Variants in SAMD8 observed in about 807,000 individuals in gnomAD.
SAMD8 encodes sterile alpha motif domain containing 8, also known as sphingomyelin synthase-related protein 1.
A neutral mutation model predicts 42.0 loss-of-function variants in SAMD8; 20 were observed. The ratio of observed to expected loss-of-function variants is 0.48; its 90% CI spans 0.34 to 0.69. The LOEUF (loss-of-function observed/expected upper bound fraction) is 0.69, where lower values mean the gene tolerates loss of function less well. Ranked by LOEUF, SAMD8 falls within the 30% of genes least tolerant of loss-of-function variation. The pLI is 0.01. For missense variants in SAMD8, 328 were observed against 511.6 expected, an observed-to-expected ratio of 0.64 and a Z score of 3.46; for synonymous variants, 162 against 173.0, an observed-to-expected ratio of 0.94 and a Z score of 0.50.
At chr10:75,104,223 T>C in intron 1 of SAMD8, 1 of 530,148 alleles carries the variant, frequency 1.9e-6, no homozygotes, top group Non-Finnish European at 3.0e-6. Context: ...GTGCATAAGG[T>C]CAAGTGAGTG....
intron 1 of SAMD8, among the ~76,000 whole-genome samples, chr10:75,130,336 T>C (rs1849246340): frequency 2.6e-5 from 4 of 151,830 alleles, no homozygotes; most frequent in Admixed American, 2.6e-4. Flanking sequence ...ACCCCGTCTC[T>C]ACTAAAAATA....
At position 75,150,541 on chromosome 10, in the gene SAMD8, A is replaced by G; in HGVS notation, c.13A>G (p.Asn5Asp). The change falls in exon 2 of 6, where the codon AAT (asparagine) becomes GAT (aspartate). Residue 5 changes from asparagine (N) to aspartate (D), a missense_variant. Asn to Asp is a conservative substitution (Grantham distance 23, BLOSUM62 1). Transcript: ENST00000542569. ...AGCGGAGGAGGAAATGGCAGGTCCT[A>G]ATCAACTCTGCATTCGCCGCTGGAC... MAGP[N>D]QLCIRRWTTK... 2 of 1,612,918 alleles carry G rather than the reference A, an allele frequency of 1.2e-6. No homozygotes were observed. Among genetic ancestry groups the G allele is most frequent in the Non-Finnish European group, 1.7e-6 (2 of 1,179,432 alleles).
At chr10:75,123,346 G>A (rs189255982) in intron 1 of SAMD8, among the ~76,000 whole-genome samples, 140 of 152,250 alleles carry the variant, frequency 9.2e-4, no homozygotes, top group African/African-American at 3.3e-3. Context: ...GGAGCAGGAG[G>A]GGTGCCTCAT....
At chr10:75,168,778 T>C in intron 4 of SAMD8, 120 bp downstream of exon 4, 2 of 631,036 alleles carry the variant, frequency 3.2e-6, no homozygotes, top group Admixed American at 2.8e-5. Context: ...GCAATGTCTA[T>C]AAAAAAAACT....
intron 2 of SAMD8, among the ~76,000 whole-genome samples, chr10:75,153,436 C>A (rs1478854833): frequency 1.3e-5 from 2 of 151,842 alleles, no homozygotes; most frequent in African/African-American, 4.8e-5. Flanking sequence ...CATGGTGAAA[C>A]CCCGTCTCTA....
intron 1 of SAMD8, among the ~76,000 whole-genome samples, chr10:75,131,260 GCTT>G (rs894228177): frequency 4.6e-5 from 7 of 152,116 alleles, no homozygotes; most frequent in African/African-American, 1.7e-4. Flanking sequence ...TTCTAATTCT[GCTT>G]CTTCTCTGCT....
chr10:75,123,789 C>T (rs1057269153), intron 1 of SAMD8, among the ~76,000 whole-genome samples: 78 of 151,834 alleles, frequency 5.1e-4, no homozygotes, highest in African/African-American at 1.7e-3. Flanking sequence ...CTCCAGGGCT[C>T]AAGCGACTCT....
At chr10:75,121,137 T>G (rs549447298) in intron 1 of SAMD8, among the ~76,000 whole-genome samples, 1 of 152,300 alleles carries the variant, frequency 6.6e-6, no homozygotes, top group African/African-American at 2.4e-5. Context: ...GTGCATTACA[T>G]GTATAATTCC....
rs1005768830 is a variant in SAMD8 at position 75,118,825 on chromosome 10, A to G, written c.-16+7103A>G. Among the ~76,000 whole-genome samples the G allele has an allele frequency of 6.6e-5, 10 of 152,308 alleles. No individual in the cohort carries two copies. The East Asian group carries it at 1.9e-3, about 29-fold the overall frequency. ...CACAAAGTTTAGCCATATATGCCCAAATTAAACCTTATCCTCCTACATCAT... is the reference window on the plus strand; with the variant it reads ...CACAAAGTTTAGCCATATATGCCCAGATTAAACCTTATCCTCCTACATCAT... On this transcript the variant is annotated intron_variant, in intron 1 of 5. Transcript: ENST00000542569.
chr10:75,111,375 C>T (rs1050147367), upstream of SAMD8: 2 of 590,576 alleles, frequency 3.4e-6, no homozygotes, highest in Non-Finnish European at 4.9e-6. Context: ...GGCTCCTCCG[C>T]GGCAGCATCT....
chr10:75,103,177 C>T (rs1391654863), intron 1 of SAMD8, among the ~76,000 whole-genome samples: 1 of 152,206 alleles, frequency 6.6e-6, no homozygotes, highest in African/African-American at 2.4e-5. Context: ...GAAGGATGTT[C>T]TGTGGAGGAG....
intron 1 of SAMD8, chr10:75,125,779 GAAT>G (rs1849118049): frequency 6.6e-6 from 1 of 152,320 alleles, no homozygotes; most frequent in African/African-American, 2.4e-5. Flanking sequence ...AGGTAGTCAA[GAAT>G]CGAACTTGTA....
chr10:75,105,531 A>G, intron 1 of SAMD8: 1 of 932,268 alleles, frequency 1.1e-6, no homozygotes, highest in Non-Finnish European at 1.6e-6. Flanking sequence ...GGCCCCCTTT[A>G]ATCCTCACTT....
Position 75,164,738 on chromosome 10 carries a change from C to T in SAMD8, c.672C>T (p.His224=). The change falls in exon 3 of 6, where the codon CAC becomes CAT. Residue 224 remains histidine (H), a splice_region_variant and synonymous_variant. Coordinates refer to ENST00000542569, the MANE Select transcript of SAMD8 (RefSeq NM_001174156.2). ...TCCTGGTTCTTCTTCTTCACAAGCA[C>T]AGGTACCTCATTACTCCATTAAATG... is the stretch of plus-strand genomic sequence containing the variant. ...IWLLVLLLHK[H]RSILLRRLCS... is the part of the protein sequence containing the mutation. The T allele has an allele frequency of 6.2e-7, 1 of 1,604,452 alleles. No individual in the cohort carries two copies. Among genetic ancestry groups the T allele is most frequent in the Non-Finnish European group, 8.5e-7 (1 of 1,171,186 alleles).
chr10:75,100,613 G>C (rs1373980621), intron 1 of SAMD8, among the ~76,000 whole-genome samples: 1 of 152,128 alleles, frequency 6.6e-6, no homozygotes, highest in Admixed American at 6.5e-5. Flanking sequence ...GGGCCCGGCC[G>C]AGCTCCCCTC....
chr10:75,143,391 T>G (rs142319738), intron 1 of SAMD8, among the ~76,000 whole-genome samples: 165 of 152,344 alleles, frequency 1.1e-3, no homozygotes, highest in African/African-American at 3.8e-3. Context: ...TTCATTTCTT[T>G]GTGTAGATTC....
At chr10:75,139,165 C>G (rs1839961673) in intron 1 of SAMD8, among the ~76,000 whole-genome samples, 1 of 151,238 alleles carries the variant, frequency 6.6e-6, no homozygotes, top group Admixed American at 6.6e-5. Flanking sequence ...GACAGGGTTT[C>G]ACAACATTGG....
intron 1 of SAMD8, among the ~76,000 whole-genome samples, chr10:75,118,601 G>A (rs1345529827): frequency 1.3e-5 from 2 of 152,288 alleles, no homozygotes; most frequent in East Asian, 1.9e-4. Flanking sequence ...CTGAGATCAC[G>A]CCGCTGCATT....
At position 75,102,813 on chromosome 10, in the gene SAMD8, G is replaced by A. The variant is rs143605317; in HGVS notation, c.-16+3085G>A. On this transcript the variant is annotated intron_variant, in intron 1 of 3. Coordinates refer to the SAMD8 transcript ENST00000447533. ...ACTAAAAATACAAAATTAGCTGGGC[G>A]TGGTGGCGCATGCCTGTAATCCCAG... is the stretch of plus-strand genomic sequence containing the variant. Among the ~76,000 whole-genome samples, 1,467 of 152,258 alleles carry A rather than the reference G, an allele frequency of 9.6e-3. 24 individuals are homozygous for A. Among genetic ancestry groups the A allele is most frequent in the African/African-American group, 0.034 (1,393 of 41,550 alleles).
Sources: gnomAD v4.1 joint callset for allele counts (sites outside exome capture counted in the v4.1 genomes callset) on GRCh38, gnomAD v4.1.1 for gene constraint, MANE v1.5 for transcripts, NCBI Gene and HGNC (gene_info 2026-07-23, HGNC 2026-07-21) for gene names.